Variants in CNTN1 observed in about 807,000 individuals in gnomAD.
The protein encoded by CNTN1 is contactin-1.
A neutral mutation model predicts 126.4 loss-of-function variants in CNTN1; 38 were observed. The observed-to-expected ratio is 0.30, with a 90% CI of 0.23 to 0.39. CNTN1 has a LOEUF of 0.39. Among genes scored for constraint, CNTN1 ranks in the 10% least tolerant of loss-of-function variants. CNTN1 has a pLI of 1.00. For missense variants in CNTN1, 1,009 were observed against 1,248.4 expected (o/e 0.81, Z 2.89); for synonymous variants, 413 against 422.6 (o/e 0.98, Z 0.28).
At chr12:40,919,164 T>C (rs1320678237) in intron 4 of CNTN1, among the ~76,000 whole-genome samples, 2 of 152,152 alleles carry the variant, frequency 1.3e-5, no homozygotes, top group Non-Finnish European at 2.9e-5. Context: ...ATGGATAAAT[T>C]TTTATATTAA....
At chr12:40,895,177 A>G (rs1003385474) in intron 1 of CNTN1, among the ~76,000 whole-genome samples, 5 of 152,174 alleles carry the variant, frequency 3.3e-5, no homozygotes, top group African/African-American at 1.2e-4. Flanking sequence ...TTAATTTGCA[A>G]AGGTGCTTTC....
chr12:40,911,322 C>T (rs1044474739), intron 3 of CNTN1, among the ~76,000 whole-genome samples: 2 of 152,050 alleles, frequency 1.3e-5, no homozygotes, highest in African/African-American at 2.4e-5. Context: ...CCTCGTGATC[C>T]GCCCGCCTTA....
At chr12:40,887,243 T>C (rs1382318814) in intron 1 of CNTN1, among the ~76,000 whole-genome samples, 2 of 152,108 alleles carry the variant, frequency 1.3e-5, no homozygotes, top group Non-Finnish European at 2.9e-5. Context: ...TTTTATTTCA[T>C]TGAGCAGTGG....
At chr12:40,731,370 T>G (rs1175799478) in intron 1 of CNTN1, among the ~76,000 whole-genome samples, 1 of 151,924 alleles carries the variant, frequency 6.6e-6, no homozygotes, top group Non-Finnish European at 1.5e-5. Flanking sequence ...AAACCATAAA[T>G]GACTAAAATT....
chr12:40,823,876 C>T (rs1394761560), intron 1 of CNTN1, among the ~76,000 whole-genome samples: 1 of 152,138 alleles, frequency 6.6e-6, no homozygotes, highest in Non-Finnish European at 1.5e-5. Context: ...CATTATCTCA[C>T]CATATTCTTG....
intron 23 of CNTN1, among the ~76,000 whole-genome samples, chr12:41,037,624 A>G (rs1395523091): frequency 1.3e-5 from 2 of 151,950 alleles, no homozygotes; most frequent in Non-Finnish European, 2.9e-5. Flanking sequence ...GTTTAAAATT[A>G]GAAAATACAT....
At chr12:40,713,871 A>C (rs1941985057) in intron 1 of CNTN1, among the ~76,000 whole-genome samples, 3 of 152,070 alleles carry the variant, frequency 2.0e-5, no homozygotes, top group African/African-American at 7.2e-5. Context: ...GGTCAAATCT[A>C]TTGTTTAATG....
intron 16 of CNTN1, among the ~76,000 whole-genome samples, chr12:40,991,369 C>T (rs1948090737): frequency 6.6e-6 from 1 of 150,490 alleles, no homozygotes; most frequent in Non-Finnish European, 1.5e-5. Flanking sequence ...CACTTACAAC[C>T]TTAATTTGAG....
intron 20 of CNTN1, 66 bp from the exon 21 acceptor site, chr12:41,025,084 A>C: frequency 6.6e-7 from 1 of 1,507,900 alleles, no homozygotes; most frequent in Non-Finnish European, 9.2e-7. Flanking sequence ...AACCAGTTGA[A>C]GAGAACTTTT....
At chr12:40,809,814 T>TCTCACACACA (rs1422228531) in intron 1 of CNTN1, among the ~76,000 whole-genome samples, 12 of 146,744 alleles carry the variant, frequency 8.2e-5, no homozygotes, top group South Asian at 2.2e-4. Context: ...AGACTCTGTC[T>TCTCACACACA]CACACACACA....
chr12:40,827,242 A>T (rs570718392), intron 1 of CNTN1, among the ~76,000 whole-genome samples: 1 of 152,082 alleles, frequency 6.6e-6, no homozygotes, highest in South Asian at 2.1e-4. Context: ...TAAGAGCAAG[A>T]GCTCTCAGAA....
chr12:41,022,978 T>C (rs1948954921), intron 20 of CNTN1, among the ~76,000 whole-genome samples: 1 of 152,034 alleles, frequency 6.6e-6, no homozygotes, highest in Non-Finnish European at 1.5e-5. Flanking sequence ...GAAAAATCCA[T>C]ATTATTTATT....
intron 1 of CNTN1, among the ~76,000 whole-genome samples, chr12:40,827,399 A>T (rs955214186): frequency 6.5e-4 from 95 of 145,642 alleles, no homozygotes; most frequent in African/African-American, 2.3e-3. Flanking sequence ...AACTTTTCTA[A>T]AAAAGGTTAT....
At chr12:40,960,897 G>T (rs1190250233) in intron 15 of CNTN1, among the ~76,000 whole-genome samples, 1 of 151,986 alleles carries the variant, frequency 6.6e-6, no homozygotes, top group Non-Finnish European at 1.5e-5. Context: ...CATTAATATT[G>T]CAATAGGAGT....
chr12:40,699,566 G>A (rs958188957), intron 1 of CNTN1, among the ~76,000 whole-genome samples: 8 of 152,084 alleles, frequency 5.3e-5, no homozygotes, highest in African/African-American at 1.4e-4. Flanking sequence ...GGATAATGTC[G>A]ATGTATAAAT....
rs1944881336 is a variant in CNTN1, at chr12:40,907,687, C to T, written c.-76-670C>T. On this transcript the variant is annotated intron_variant, in intron 1 of 23. Coordinates refer to ENST00000551295, the MANE Select transcript of CNTN1 (RefSeq NM_001843.4). ...GCTCTCCAAATGGACAATTTTGGCC[C>T]CACAAAACCTTGATTGTCCCCTGTT... Among the ~76,000 whole-genome samples, 4 of 151,986 alleles carry T rather than the reference C, an allele frequency of 2.6e-5. No individual in the cohort carries two copies. In the South Asian group the frequency reaches 8.3e-4, roughly 32 times the overall value.
chr12:40,757,789 A>C (rs1938670727), intron 1 of CNTN1, among the ~76,000 whole-genome samples: 1 of 152,160 alleles, frequency 6.6e-6, no homozygotes, highest in Non-Finnish European at 1.5e-5. Flanking sequence ...AAAACCATTT[A>C]TCTATCTTAA....
chr12:40,729,646 A>T, intron 1 of CNTN1: 1 of 219,536 alleles, frequency 4.6e-6, no homozygotes. Flanking sequence ...GAGTCCACAA[A>T]CTTTTTCATA....
At chr12:40,820,886 G>T (rs1941421648) in intron 1 of CNTN1, among the ~76,000 whole-genome samples, 1 of 152,054 alleles carries the variant, frequency 6.6e-6, no homozygotes, top group Non-Finnish European at 1.5e-5. Flanking sequence ...TGTTTGTTTT[G>T]TTTCATTTTG....
Sources: allele counts gnomAD v4.1 joint callset (sites outside exome capture counted in the v4.1 genomes callset), GRCh38; gene constraint gnomAD v4.1.1; transcripts MANE v1.5; gene names NCBI Gene and HGNC (gene_info 2026-07-23, HGNC 2026-07-21).